EYS: variants seen among roughly 807,000 people sequenced by gnomAD.
EYS encodes EGF-like photoreceptor maintenance factor.
A neutral mutation model predicts 282.1 loss-of-function variants in EYS; 250 were observed. That is an observed-to-expected ratio of 0.89 (90% CI 0.80 to 0.98). The LOEUF is 0.98. Among genes scored for constraint, EYS ranks in the 50% least tolerant of loss-of-function variants. The probability of loss-of-function intolerance (pLI) is 0.00; values close to 1 mark genes in which losing one functional copy is unlikely to be tolerated. For synonymous variants in EYS, 1,355 were observed against 1,282.9 expected (o/e 1.06, Z -1.20); for missense variants, 4,016 against 3,709.0 (o/e 1.08, Z -2.15).
At chr6:64,672,745 T>TAATA (rs1333053310) in intron 22 of EYS, among the ~76,000 whole-genome samples, 3 of 152,156 alleles carry the variant, frequency 2.0e-5, no homozygotes, top group African/African-American at 4.8e-5. Flanking sequence ...AAGTTACAAC[T>TAATA]AATAAATTTC....
chr6:64,956,335 T>C lies in EYS; in HGVS notation c.2260-10421A>G, dbSNP rs551901429. On this transcript the variant is annotated intron_variant, in intron 14 of 42. Transcript: ENST00000503581. ...TGGTAAAGGTGTCAAGAACATGCACTGGAGAAAAGACAGTTTGTTCAATAA... is the reference window on the plus strand; with the variant it reads ...TGGTAAAGGTGTCAAGAACATGCACCGGAGAAAAGACAGTTTGTTCAATAA... Among the ~76,000 whole-genome samples, 18 of 152,288 alleles carry C rather than the reference T, an allele frequency of 1.2e-4. 1 individual carries two copies. The South Asian group carries it at 3.1e-3, about 26-fold the overall frequency.
chr6:64,494,172 C>G (rs13211837), intron 26 of EYS, among the ~76,000 whole-genome samples: 45,411 of 151,338 alleles, frequency 0.3, 6,881 homozygotes, highest in East Asian at 0.47. Flanking sequence ...TCCTCATTGT[C>G]TCAAGAGGGG....
chr6:64,171,626 T>A (rs1007035781), intron 31 of EYS, among the ~76,000 whole-genome samples: 1 of 71,530 alleles, frequency 1.4e-5, no homozygotes, highest in African/African-American at 4.9e-5. Context: ...ATTATTGATA[T>A]AACAGTCTTC....
chr6:64,745,921 A>C (rs964928414), intron 22 of EYS, among the ~76,000 whole-genome samples: 11 of 152,150 alleles, frequency 7.2e-5, no homozygotes, highest in Admixed American at 2.0e-4. Flanking sequence ...CAAGCATCAC[A>C]CATATCCTTA....
At chr6:65,211,755 A>T (rs984221588) in intron 12 of EYS, among the ~76,000 whole-genome samples, 12 of 151,998 alleles carry the variant, frequency 7.9e-5, no homozygotes, top group Admixed American at 2.0e-4. Flanking sequence ...AAAAGCCCCT[A>T]TAGCTATCCA....
chr6:63,878,381 G>A (rs187883495), intron 35 of EYS, among the ~76,000 whole-genome samples: 3 of 152,188 alleles, frequency 2.0e-5, no homozygotes, highest in East Asian at 3.9e-4. Context: ...GTGTCAGTCG[G>A]CCCTTACTGG....
intron 26 of EYS, among the ~76,000 whole-genome samples, chr6:64,563,025 A>G (rs1765450314): frequency 6.6e-6 from 1 of 152,074 alleles, no homozygotes; most frequent in Non-Finnish European, 1.5e-5. Flanking sequence ...ATGGTTGTGA[A>G]TAATGCAAAT....
chr6:65,640,529 T>C (rs1453688471), intron 1 of EYS, among the ~76,000 whole-genome samples: 3 of 152,132 alleles, frequency 2.0e-5, no homozygotes, highest in Non-Finnish European at 2.9e-5. Context: ...GTCTGAAAAG[T>C]ATTTTACTTC....
intron 33 of EYS, among the ~76,000 whole-genome samples, chr6:64,040,714 T>A (rs1562169347): frequency 6.6e-6 from 1 of 152,218 alleles, no homozygotes; most frequent in South Asian, 2.1e-4. Flanking sequence ...ACACATTGTC[T>A]ATGGCTGCTC....
At chr6:63,817,953 C>T (rs1771224628) in intron 36 of EYS, among the ~76,000 whole-genome samples, 2 of 152,156 alleles carry the variant, frequency 1.3e-5, no homozygotes. Flanking sequence ...GCAGGCTTCT[C>T]ACTGTGTGTG....
chr6:64,797,503 TTG>T (rs1774394142), intron 22 of EYS, among the ~76,000 whole-genome samples: 1 of 152,000 alleles, frequency 6.6e-6, no homozygotes, highest in Admixed American at 6.6e-5. Context: ...GCATATTATA[TTG>T]TGTTTTAAAA....
At chr6:64,184,345 C>T (rs1764870584) in intron 31 of EYS, among the ~76,000 whole-genome samples, 1 of 152,088 alleles carries the variant, frequency 6.6e-6, no homozygotes, top group Non-Finnish European at 1.5e-5. Flanking sequence ...TAACCATGTG[C>T]CTTCTGCCTG....
At chr6:64,085,628 C>T (rs1359417160) in intron 31 of EYS, among the ~76,000 whole-genome samples, 1 of 152,116 alleles carries the variant, frequency 6.6e-6, no homozygotes, top group African/African-American at 2.4e-5. Flanking sequence ...TATGGCACCT[C>T]ATTTGTTTAC....
chr6:65,631,842 G>A (rs1036778737), intron 2 of EYS, among the ~76,000 whole-genome samples: 3 of 152,124 alleles, frequency 2.0e-5, no homozygotes, highest in Non-Finnish European at 4.4e-5. Flanking sequence ...ATGGATGTTA[G>A]AGTTCCCAAG....
chr6:64,723,531 C>T (rs557527776), intron 22 of EYS, among the ~76,000 whole-genome samples: 24 of 152,294 alleles, frequency 1.6e-4, no homozygotes, highest in Middle Eastern at 3.4e-3. Context: ...ATAAATCTTA[C>T]GCCCACTCTC....
intron 35 of EYS, among the ~76,000 whole-genome samples, chr6:63,925,271 A>G (rs1764683347): frequency 6.6e-6 from 1 of 152,192 alleles, no homozygotes; most frequent in Admixed American, 6.5e-5. Flanking sequence ...CCTCTAATTT[A>G]CTGGTATTCT....
intron 22 of EYS, among the ~76,000 whole-genome samples, chr6:64,692,160 T>G (rs559239408): frequency 1.3e-5 from 2 of 152,270 alleles, no homozygotes; most frequent in South Asian, 4.1e-4. Context: ...CTCACTAGCA[T>G]CTGTTGTTTT....
chr6:65,525,205 C>T (rs1767512172), intron 2 of EYS, among the ~76,000 whole-genome samples: 2 of 152,162 alleles, frequency 1.3e-5, no homozygotes, highest in East Asian at 3.9e-4. Context: ...TCAATGAAAC[C>T]ACTGAGAAGT....
chr6:64,895,995 A>G (rs1185038363), intron 18 of EYS, among the ~76,000 whole-genome samples: 1 of 152,156 alleles, frequency 6.6e-6, no homozygotes, highest in East Asian at 1.9e-4. Context: ...AAGTTTTAGT[A>G]CATATAACTT....
Sources: gnomAD v4.1 joint callset for allele counts (sites outside exome capture counted in the v4.1 genomes callset) on GRCh38, gnomAD v4.1.1 for gene constraint, MANE v1.5 for transcripts, NCBI Gene and HGNC (gene_info 2026-07-23, HGNC 2026-07-21) for gene names.